EXT1: variants seen among roughly 807,000 people sequenced by gnomAD.
EXT1 encodes exostosin-1.
A neutral mutation model predicts 82.5 loss-of-function variants in EXT1; 20 were observed. That is an observed-to-expected ratio of 0.24 (90% CI 0.17 to 0.35). The LOEUF (loss-of-function observed/expected upper bound fraction) is 0.35. Ranked by LOEUF, EXT1 falls within the 10% of genes least tolerant of loss-of-function variation. EXT1 has a pLI of 1.00. For missense variants in EXT1, 757 were observed against 936.5 expected (o/e 0.81, Z 2.50); for synonymous variants, 348 against 350.8 (o/e 0.99, Z 0.09).
chr8:118,060,283 A>G (rs1816862196), intron 1 of EXT1, among the ~76,000 whole-genome samples: 1 of 152,194 alleles, frequency 6.6e-6, no homozygotes, highest in Non-Finnish European at 1.5e-5. Flanking sequence ...GGTTCTTGCA[A>G]GCTGATTCTG....
intron 1 of EXT1, among the ~76,000 whole-genome samples, chr8:118,083,171 T>C (rs1434980322): frequency 2.0e-5 from 3 of 152,210 alleles, no homozygotes; most frequent in Non-Finnish European, 4.4e-5. Flanking sequence ...TAATGATACT[T>C]TTAGCTAAAC....
At position 117,837,201 on chromosome 8, in the gene EXT1, C is replaced by G; in HGVS notation, c.963G>C (p.Lys321Asn). The G allele has an allele frequency of 6.2e-7, 1 of 1,612,346 alleles. No homozygotes were observed. The highest frequency in any genetic ancestry group is 8.5e-7 in the Non-Finnish European group (1 of 1,178,596). ...TGTGCAGCATTTCCCGATAATCATA[C>G]CTAGAAAGAGAAGAGGAGTAAACAG... ...RCDRDNTEYE[K>N]YDYREMLHNA... is the part of the protein sequence containing the mutation. The change falls in exon 2 of 11, where the codon AAG becomes AAC. Residue 321 changes from lysine to asparagine, a missense_variant and splice_region_variant. By Grantham distance (94) the Lys-to-Asn change is moderately conservative. This residue lies in a region of EXT1 where 247 missense variants were observed against 330.1 expected (regional missense o/e 0.75). Transcript: ENST00000378204.
intron 1 of EXT1, among the ~76,000 whole-genome samples, chr8:118,063,855 T>TTTAC (rs1260790579): frequency 1.4e-5 from 2 of 147,078 alleles, no homozygotes; most frequent in African/African-American, 5.5e-5. Flanking sequence ...ACTTTATTTA[T>TTTAC]TTACTTATTT....
rs1159607781 is a variant in EXT1 at position 117,799,472 on chromosome 8, T to A, written c.*240A>T. ...ATTATTTAATGTTCCATAATTAAAC[T>A]GTACACAACCTAGTCTTGGGACACA... On this transcript the variant is annotated 3_prime_UTR_variant, in exon 11 of 11. Coordinates refer to ENST00000378204, the MANE Select transcript of EXT1 (RefSeq NM_000127.3). 1.9e-6 allele frequency: 1 copy of A among 527,372 alleles called. No individual in the cohort carries two copies. The highest frequency in any genetic ancestry group is 1.9e-5 in the African/African-American group (1 of 52,924). 32.7% of individuals were successfully genotyped at this position (527,372 alleles called of 1,614,324 possible). A position where few individuals can be genotyped will look rare whatever the true frequency, so the allele number is the denominator to read the frequency against.
At chr8:117,808,748 T>C (rs1291723534) in intron 8 of EXT1, among the ~76,000 whole-genome samples, 2 of 152,086 alleles carry the variant, frequency 1.3e-5, no homozygotes, top group African/African-American at 4.8e-5. Flanking sequence ...TCAATGTGAG[T>C]ATACCATGAA....
intron 1 of EXT1, among the ~76,000 whole-genome samples, chr8:118,031,384 G>T (rs1816314950): frequency 6.6e-6 from 1 of 151,968 alleles, no homozygotes; most frequent in Non-Finnish European, 1.5e-5. Context: ...AATTAGCCAG[G>T]CGTGGTGGCC....
At chr8:117,813,397 G>T (rs1823365888) in intron 7 of EXT1, among the ~76,000 whole-genome samples, 1 of 152,122 alleles carries the variant, frequency 6.6e-6, no homozygotes, top group Non-Finnish European at 1.5e-5. Flanking sequence ...ACCAGGTATA[G>T]ATAGTAATGA....
At chr8:117,992,438 TAAAAAAAA>T (rs142840509) in intron 1 of EXT1, among the ~76,000 whole-genome samples, 1 of 53,120 alleles carries the variant, frequency 1.9e-5, no homozygotes, top group South Asian at 6.2e-4. Context: ...TTCAACTAGC[TAAAAAAAA>T]AAAAAAAAAA....
At chr8:117,895,641 T>C (rs1052297190) in intron 1 of EXT1, among the ~76,000 whole-genome samples, 1 of 152,172 alleles carries the variant, frequency 6.6e-6, no homozygotes, top group Non-Finnish European at 1.5e-5. Context: ...ATAATGAGAA[T>C]GTTTACCCAC....
rs184311108 is a variant in EXT1 at position 117,928,283 on chromosome 8, T to A, written c.963-91082A>T. ...CCACTAGAAATTCTATTTGAATGAGTGTGATGAACTAGGGTGGGAGTCTGT... is the reference window on the plus strand; with the variant it reads ...CCACTAGAAATTCTATTTGAATGAGAGTGATGAACTAGGGTGGGAGTCTGT... On this transcript the variant is annotated intron_variant, in intron 1 of 10. Transcript: ENST00000378204. Among the ~76,000 whole-genome samples, 388 of 152,192 alleles carry A rather than the reference T, an allele frequency of 2.5e-3. 2 individuals carry two copies. The highest frequency in any genetic ancestry group is 8.9e-3 in the African/African-American group (371 of 41,558).
intron 6 of EXT1, 122 bp from the exon 7 acceptor site, chr8:117,818,652 C>A: frequency 1.2e-6 from 1 of 802,238 alleles, no homozygotes; most frequent in Non-Finnish European, 2.2e-6. Flanking sequence ...CAAGACAAAA[C>A]GGCAGACATC....
chr8:117,869,081 T>G (rs1283905077), intron 1 of EXT1, among the ~76,000 whole-genome samples: 1 of 152,162 alleles, frequency 6.6e-6, no homozygotes, highest in Non-Finnish European at 1.5e-5. Context: ...CGGGCTGGAC[T>G]TCCCGCCAGC....
intron 1 of EXT1, among the ~76,000 whole-genome samples, chr8:117,986,925 T>C (rs1815333418): frequency 6.6e-6 from 1 of 152,210 alleles, no homozygotes; most frequent in African/African-American, 2.4e-5. Context: ...ACAACTCCAG[T>C]GAAATTAATG....
At chr8:118,006,641 C>A (rs1327692458) in intron 1 of EXT1, among the ~76,000 whole-genome samples, 1 of 152,216 alleles carries the variant, frequency 6.6e-6, no homozygotes, top group Non-Finnish European at 1.5e-5. Context: ...TCCTAACCCA[C>A]TTCAGTGAAC....
intron 1 of EXT1, among the ~76,000 whole-genome samples, chr8:117,891,043 T>C (rs1381809830): frequency 1.3e-5 from 2 of 152,186 alleles, no homozygotes; most frequent in Non-Finnish European, 2.9e-5. Context: ...TCTACCAAGT[T>C]TCTCAGGGGA....
intron 1 of EXT1, among the ~76,000 whole-genome samples, chr8:117,902,981 C>T (rs770699466): frequency 3.9e-5 from 6 of 152,190 alleles, no homozygotes; most frequent in South Asian, 2.1e-4. Flanking sequence ...TTTTATTCCA[C>T]GGACAGGCAT....
intron 1 of EXT1, among the ~76,000 whole-genome samples, chr8:118,038,667 C>T (rs761140104): frequency 5.3e-5 from 8 of 152,162 alleles, no homozygotes; most frequent in Non-Finnish European, 7.4e-5. Flanking sequence ...GTAACAACTC[C>T]GAAGGGCAGA....
intron 10 of EXT1, among the ~76,000 whole-genome samples, chr8:117,802,444 T>C (rs965463856): frequency 1.3e-5 from 2 of 152,244 alleles, no homozygotes; most frequent in African/African-American, 2.4e-5. Context: ...CATATTTTTA[T>C]TGTACCTTTT....
chr8:117,933,892 G>A (rs964796815), intron 1 of EXT1, among the ~76,000 whole-genome samples: 1 of 152,030 alleles, frequency 6.6e-6, no homozygotes, highest in Non-Finnish European at 1.5e-5. Context: ...GTCCCTAGTG[G>A]GCTCCTGCTG....
Sources: allele counts gnomAD v4.1 joint callset (sites outside exome capture counted in the v4.1 genomes callset), GRCh38; gene constraint gnomAD v4.1.1; regional missense constraint gnomAD v4.1.1; transcripts MANE v1.5; gene names NCBI Gene and HGNC (gene_info 2026-07-23, HGNC 2026-07-21).